Variants in KMT2C observed in about 807,000 individuals in gnomAD.
KMT2C encodes lysine methyltransferase 2C, also known as histone-lysine N-methyltransferase 2C.
KMT2C carries 88 observed loss-of-function variants against 507.9 expected under a neutral mutation model. That is an observed-to-expected ratio of 0.17 (90% CI 0.15 to 0.21). KMT2C has a LOEUF of 0.21. Ranked by LOEUF, KMT2C falls within the 10% of genes least tolerant of loss-of-function variation. The probability of loss-of-function intolerance (pLI) is 1.00; values close to 1 mark genes in which losing one functional copy is unlikely to be tolerated. For synonymous variants in KMT2C, 2,049 were observed against 2,080.8 expected (o/e 0.98, Z 0.42); for missense variants, 4,954 against 5,957.8 (o/e 0.83, Z 5.55).
intron 9 of KMT2C, among the ~76,000 whole-genome samples, chr7:152,259,831 C>A (rs1402924975): frequency 6.6e-6 from 1 of 152,210 alleles, no homozygotes. Flanking sequence ...TACAGTTTCA[C>A]ACACAGTAAA....
chr7:152,236,095 T>G, intron 15 of KMT2C, among the ~76,000 whole-genome samples, 162 bp from the exon 16 acceptor site: 1 of 152,248 alleles, frequency 6.6e-6, no homozygotes, highest in East Asian at 1.9e-4. Flanking sequence ...AAACGTATAC[T>G]CCACAACTTA....
At chr7:152,351,717 T>C (rs967289645) in intron 2 of KMT2C, among the ~76,000 whole-genome samples, 2 of 152,232 alleles carry the variant, frequency 1.3e-5, no homozygotes, top group Admixed American at 6.5e-5. Context: ...CGCCTGTCTT[T>C]ACTGTAATCT....
intron 1 of KMT2C, among the ~76,000 whole-genome samples, chr7:152,377,780 A>G (rs2097340915): frequency 6.6e-6 from 1 of 152,074 alleles, no homozygotes; most frequent in Admixed American, 6.6e-5. Context: ...GATTTGGGCA[A>G]AGTAAACTGA....
chr7:152,163,528 C>A lies in KMT2C; in HGVS notation c.10049G>T (p.Arg3350Ile), dbSNP rs200124578. Residue 3350 changes from arginine to isoleucine, a missense_variant, in exon 43 of 59, where the codon AGA (arginine) becomes ATA (isoleucine). Arg to Ile is a moderately conservative substitution (Grantham distance 97, BLOSUM62 -3). Around this residue, in one of 29 missense-constraint regions of KMT2C, gnomAD observed 801 missense variants for 751.2 expected, o/e 1.07. Transcript: ENST00000262189. ...TAACTGGGCAATTGGGGGCTGAATT[C>A]TAGGAGGATTGAGGGGCAGGTGGGC... is the stretch of plus-strand genomic sequence containing the variant. ...APAHLPLNPP[R>I]IQPPIAQLPI... The A allele has an allele frequency of 3.1e-6, 5 of 1,612,350 alleles. No individual in the cohort carries two copies. Among genetic ancestry groups the A allele is most frequent in the Non-Finnish European group, 4.2e-6 (5 of 1,178,818 alleles).
intron 18 of KMT2C, 105 bp downstream of exon 18, chr7:152,229,818 T>C (rs1437772465): frequency 2.7e-5 from 17 of 640,798 alleles, no homozygotes; most frequent in African/African-American, 3.7e-5. Flanking sequence ...GTCACATATG[T>C]TTAATAATCA....
chr7:152,173,823 A>G (rs1196797839), intron 39 of KMT2C, among the ~76,000 whole-genome samples: 2 of 152,242 alleles, frequency 1.3e-5, no homozygotes, highest in Admixed American at 1.3e-4. Flanking sequence ...TTCTAAAGGT[A>G]TTTAAAAGAG....
chr7:152,316,804 A>C (rs532167333), intron 3 of KMT2C, among the ~76,000 whole-genome samples: 6 of 152,184 alleles, frequency 3.9e-5, no homozygotes, highest in African/African-American at 1.4e-4. Context: ...ACCGAGACAT[A>C]CACAAATTAA....
chr7:152,345,584 G>C (rs952201731), intron 2 of KMT2C, among the ~76,000 whole-genome samples: 3 of 152,200 alleles, frequency 2.0e-5, no homozygotes, highest in African/African-American at 7.2e-5. Context: ...GAGTGCAATG[G>C]CACGATCTCA....
chr7:152,222,712 T>A (rs78815770), intron 20 of KMT2C, 30 bp from the exon 21 acceptor site: 19,103 of 1,298,372 alleles, frequency 0.015, 236 homozygotes, highest in East Asian at 0.037. Context: ...ACATTTTTTT[T>A]AAAAAATGGA....
At chr7:152,368,439 GA>G in intron 1 of KMT2C, 1 of 1,168,192 alleles carries the variant, frequency 8.6e-7, no homozygotes, top group Non-Finnish European at 1.3e-6. Context: ...TGTTAGAGAT[GA>G]AGGTCAAATA....
intron 1 of KMT2C, among the ~76,000 whole-genome samples, chr7:152,398,105 ACACT>A (rs2097548243): frequency 6.6e-6 from 1 of 152,184 alleles, no homozygotes; most frequent in Admixed American, 6.6e-5. Flanking sequence ...ATTAACAGAC[ACACT>A]CAGTACAGTA....
intron 28 of KMT2C, among the ~76,000 whole-genome samples, 159 bp from the exon 29 acceptor site, chr7:152,194,727 C>T (rs1588111476): frequency 6.6e-6 from 1 of 151,806 alleles, no homozygotes. Context: ...TTTGGAGAGT[C>T]GCTCAGTAAA....
In KMT2C at chr7:152,180,791, C is replaced by G. The variant is rs2129119134; in HGVS notation, c.7069G>C (p.Gly2357Arg). 6.2e-7 allele frequency: 1 copy of G among 1,614,102 alleles called. No homozygotes were observed. Among genetic ancestry groups the G allele is most frequent in the South Asian group, 1.1e-5 (1 of 91,082 alleles). Residue 2357 changes from glycine to arginine, a missense_variant, in exon 36 of 59, where the codon GGA becomes CGA. This residue lies in a region of KMT2C where 1,689 missense variants were observed against 1,654.3 expected (regional missense o/e 1.02). Transcript: ENST00000262189. Reference sequence around the variant, plus strand: ...GTTACTCCTGAAGTTGGCACAGGTCCAGGAAGTTGGGAGACACCAGAGAAC... The same window carrying G: ...GTTACTCCTGAAGTTGGCACAGGTCGAGGAAGTTGGGAGACACCAGAGAAC... ...QQFSGVSQLP[G>R]PVPTSGVTDT...
rs2095509259 is a variant in KMT2C at position 152,248,291 on chromosome 7, A to G, written c.2143T>C (p.Leu715=). Residue 715 remains leucine, a synonymous_variant, in exon 14 of 59, where the codon TTG becomes CTG. Transcript: ENST00000262189. ...ESISLCPEEQ[L]VIERLQGEKE... Reference sequence around the variant, plus strand: ...TCTCCTTGTAGCCTTTCTATAACCAACTGTTCCTCAGGACATAATGAAATA... The same window carrying G: ...TCTCCTTGTAGCCTTTCTATAACCAGCTGTTCCTCAGGACATAATGAAATA... 1.2e-6 allele frequency: 2 copies of G among 1,613,804 alleles called. No homozygotes were observed. The highest frequency in any genetic ancestry group is 1.7e-5 in the Admixed American group (1 of 59,996).
In KMT2C at chr7:152,212,678, G is replaced by A. The variant is rs532588997; in HGVS notation, c.3713-5250C>T. Among the ~76,000 whole-genome samples the A allele has an allele frequency of 5.3e-5, 8 of 152,218 alleles. No individual in the cohort carries two copies. The South Asian group carries it at 1.5e-3, about 28-fold the overall frequency. ...ATAACATCAAAAAGAATAAAACACT[G>A]AGGAACAAATTTAATGAAGGAAGTG... On this transcript the variant is annotated intron_variant, in intron 23 of 58. Transcript: ENST00000262189.
rs770369091 is a variant in KMT2C at position 152,138,845 on chromosome 7, C to T, written c.14594G>A (p.Gly4865Glu). The change falls in exon 58 of 59, where the codon GGA (glycine) becomes GAA (glutamate). Residue 4865 changes from glycine (G) to glutamate (E), a missense_variant. Physicochemically the swap from Gly to Glu is moderately conservative, Grantham distance 98. Around this residue, in one of 29 missense-constraint regions of KMT2C, gnomAD observed 133 missense variants for 258.9 expected, o/e 0.51. Coordinates refer to ENST00000262189, the MANE Select transcript of KMT2C (RefSeq NM_170606.3). This position sits in a 1 kb window ranked among gnomAD's most constrained non-coding sequence, Gnocchi z 4.2. Reference sequence around the variant, plus strand: ...ACTGGAGCTGATGATAATTTTGTGTCCTCTCTCAAAAGTCACCACTTCAGC... The same window carrying T: ...ACTGGAGCTGATGATAATTTTGTGTTCTCTCTCAAAAGTCACCACTTCAGC... ...CVAEVVTFER[G>E]HKIIISSSRR... is the part of the protein sequence containing the mutation. 2.2e-5 allele frequency: 36 copies of T among 1,611,904 alleles called. No homozygotes were observed. Among genetic ancestry groups the T allele is most frequent in the Non-Finnish European group, 2.6e-5 (31 of 1,179,488 alleles).
intron 14 of KMT2C, 46 bp from the exon 15 acceptor site, chr7:152,238,872 A>G (rs2095332579): frequency 6.5e-7 from 1 of 1,542,538 alleles, no homozygotes; most frequent in Admixed American, 2.2e-5. Flanking sequence ...ACTCAGCAAC[A>G]TAAAAGGTCA....
At chr7:152,254,337 T>C (rs1215213368) in intron 9 of KMT2C, among the ~76,000 whole-genome samples, 1 of 152,022 alleles carries the variant, frequency 6.6e-6, no homozygotes, top group Admixed American at 6.6e-5. Flanking sequence ...CTAAATAAAA[T>C]ACTATCAAAC....
chr7:152,364,164 C>T (rs974233469), intron 1 of KMT2C, among the ~76,000 whole-genome samples: 1 of 152,128 alleles, frequency 6.6e-6, no homozygotes, highest in Non-Finnish European at 1.5e-5. Context: ...ATAATGATTC[C>T]CAACTTAACT....
Sources: gnomAD v4.1 joint callset for allele counts (sites outside exome capture counted in the v4.1 genomes callset) on GRCh38, gnomAD v4.1.1 for gene constraint, gnomAD v4.1.1 regional missense constraint, Gnocchi (gnomAD v3.1) non-coding constraint, MANE v1.5 for transcripts, NCBI Gene and HGNC (gene_info 2026-07-23, HGNC 2026-07-21) for gene names.